The following LRCOL1 variants were observed in gnomAD, a reference collection of about 807,000 sequenced individuals.
LRCOL1 encodes the protein leucine rich colipase like 1.
Under a neutral mutation model 21.6 loss-of-function variants are expected in LRCOL1, and 21 were observed. The observed-to-expected ratio is 0.97, with a 90% CI of 0.69 to 1.40. The LOEUF (loss-of-function observed/expected upper bound fraction) is 1.40, where lower values mean the gene tolerates loss of function less well. Among genes scored for constraint, LRCOL1 ranks in the 40% most tolerant of loss-of-function variants. The pLI, the probability that LRCOL1 is intolerant of heterozygous loss-of-function variation, is 0.00. For missense variants in LRCOL1, 198 were observed against 202.3 expected, an observed-to-expected ratio of 0.98 and a Z score of 0.13; for synonymous variants, 98 against 90.1, an observed-to-expected ratio of 1.09 and a Z score of -0.49.
In LRCOL1 at chr12:132,604,716, G is replaced by A; in HGVS notation, c.221C>T (p.Pro74Leu). 6.5e-7 allele frequency: 1 copy of A among 1,536,170 alleles called. No homozygotes were observed. The highest frequency in any genetic ancestry group is 8.7e-7 in the Non-Finnish European group (1 of 1,146,890). Residue 74 changes from proline to leucine, a missense_variant, in exon 3 of 6, where the codon CCC becomes CTC. By Grantham distance (98) the Pro-to-Leu change is moderately conservative. Transcript: ENST00000376608. Reference protein sequence around the residue: ...TPKTIFLQCLPWRKPNGYRCS... With the variant: ...TPKTIFLQCLLWRKPNGYRCS... ...CTGCACGCACCTCACCTTCCTCCAG[G>A]GCAGGCACTGCAGGAAGATGGTCTT...
chr12:132,610,562 G>A lies in LRCOL1; in HGVS notation c.-253C>T, dbSNP rs1593655846. 1 of 152,218 alleles carries A rather than the reference G, an allele frequency of 6.6e-6. No individual in the cohort carries two copies. Among genetic ancestry groups the A allele is most frequent in the South Asian group, 2.1e-4 (1 of 4,816 alleles). The allele number at this position is 152,218 out of a possible 1,614,324, so 9.4% of individuals were successfully genotyped here. A position where few individuals can be genotyped will look rare whatever the true frequency, so the allele number is the denominator to read the frequency against. On this transcript the variant is annotated 5_prime_UTR_variant, in exon 1 of 6. Coordinates refer to ENST00000376608, the MANE Select transcript of LRCOL1 (RefSeq NM_001195520.2). Reference sequence around the variant, plus strand: ...GGCTCAGTGTAGGCGTCTGGACAGGGGCCAGTCCCACAAGGCTACTGACTC... The same window carrying A: ...GGCTCAGTGTAGGCGTCTGGACAGGAGCCAGTCCCACAAGGCTACTGACTC...
intron 1 of LRCOL1, among the ~76,000 whole-genome samples, chr12:132,609,967 A>G (rs929414425): frequency 3.3e-5 from 5 of 152,248 alleles, no homozygotes; most frequent in African/African-American, 1.2e-4. Flanking sequence ...AAAAAGCTCG[A>G]TGCTAAATCT....
At chr12:132,609,845 G>T (rs558584640) in intron 1 of LRCOL1, among the ~76,000 whole-genome samples, 31 of 152,122 alleles carry the variant, frequency 2.0e-4, no homozygotes, top group Non-Finnish European at 4.3e-4. Flanking sequence ...TATATATGGG[G>T]GTCTCTATTC....
At chr12:132,609,572 C>T (rs746064778) in intron 1 of LRCOL1, among the ~76,000 whole-genome samples, 13 of 152,204 alleles carry the variant, frequency 8.5e-5, no homozygotes, top group Non-Finnish European at 1.8e-4. Flanking sequence ...TGGTGCATCC[C>T]GGTAGTCCCA....
chr12:132,603,683 G>A (rs1163515569), intron 5 of LRCOL1: 17 of 985,308 alleles, frequency 1.7e-5, no homozygotes, highest in Non-Finnish European at 2.0e-5. Context: ...ACCTCTGGGT[G>A]CCACGACCCT....
chr12:132,603,469 G>C (rs773571356), intron 5 of LRCOL1, 65 bp from the exon 6 acceptor site: 1 of 1,535,730 alleles, frequency 6.5e-7, no homozygotes, highest in South Asian at 1.2e-5. Context: ...CGCGGAAGGA[G>C]GACGGGAACC....
intron 5 of LRCOL1, 69 bp from the exon 6 acceptor site, chr12:132,603,473 G>A (rs1005587274): frequency 1.0e-5 from 16 of 1,535,600 alleles, no homozygotes; most frequent in African/African-American, 2.7e-5. Context: ...GAAGGAGGAC[G>A]GGAACCCGGG....
intron 5 of LRCOL1, 42 bp downstream of exon 5, chr12:132,604,212 C>T: frequency 1.3e-6 from 2 of 1,501,214 alleles, no homozygotes; most frequent in East Asian, 2.5e-5. Context: ...CCTGTGGCGG[C>T]CAAGGGAGGG....
rs771341213 is a variant in LRCOL1, at chr12:132,604,561, G to C, written c.255C>G (p.His85Gln). 6.5e-7 allele frequency: 1 copy of C among 1,535,964 alleles called. No homozygotes were observed. Residue 85 changes from histidine (H) to glutamine (Q), a missense_variant, in exon 4 of 6, where the codon CAC becomes CAG. His to Gln is a conservative substitution (Grantham distance 24, BLOSUM62 0). Transcript: ENST00000376608. ...AGCAGCTGCTCTGGCACTCTGAGTC[G>C]TGCGAGCATCTGTACCCATTGGGCT... ...WRKPNGYRCS[H>Q]DSECQSSCCV... is the part of the protein sequence containing the mutation.
chr12:132,603,966 G>C, intron 5 of LRCOL1: 1 of 1,277,414 alleles, frequency 7.8e-7, no homozygotes, highest in East Asian at 3.4e-5. Context: ...TCCCACGGGG[G>C]ATGGTCCTGG....
Position 132,610,523 on chromosome 12 carries a change from C to A in LRCOL1, c.-214G>T, listed in dbSNP as rs2041358409. 6.6e-6 allele frequency: 1 copy of A among 152,300 alleles called. No individual in the cohort carries two copies. The highest frequency in any genetic ancestry group is 1.5e-5 in the Non-Finnish European group (1 of 68,114). 9.4% of individuals were successfully genotyped at this position (152,300 alleles called of 1,614,324 possible). A position where few individuals can be genotyped will look rare whatever the true frequency, so the allele number is the denominator to read the frequency against. On this transcript the variant is annotated 5_prime_UTR_variant, in exon 1 of 6. Transcript: ENST00000376608. ...TCGGTCCCAGGAGAAAGACGCTCAT[C>A]TCCCCACATGAGAGGCTCAGTGTAG...
chr12:132,604,181 G>C, intron 5 of LRCOL1, 73 bp downstream of exon 5: 1 of 1,474,598 alleles, frequency 6.8e-7, no homozygotes, highest in African/African-American at 1.4e-5. Context: ...CGGTCCAGTT[G>C]CTGTGTTTCT....
chr12:132,610,257 A>T (rs981445761), intron 1 of LRCOL1, 66 bp downstream of exon 1: 1 of 152,236 alleles, frequency 6.6e-6, no homozygotes, highest in Non-Finnish European at 1.5e-5. Context: ...GACTCGTGAG[A>T]TTGGGCCTCC....
chr12:132,604,638 T>C (rs188028507), intron 3 of LRCOL1, 54 bp from the exon 4 acceptor site: 1 of 1,526,232 alleles, frequency 6.6e-7, no homozygotes, highest in East Asian at 2.5e-5. Flanking sequence ...CCCTGGCTCT[T>C]CAGGGGCAGG....
chr12:132,604,325 T>C lies in LRCOL1; in HGVS notation c.406A>G (p.Ile136Val), dbSNP rs866119685. Reference protein sequence around the residue: ...SHQECHSQCCIQLREYSPFRC... With the variant: ...SHQECHSQCCVQLREYSPFRC... ...AAGGGGCTGTACTCCCTCAGCTGGA[T>C]GCAGCACTGGCTGTGACACTCCTGA... The change falls in exon 5 of 6, where the codon ATC becomes GTC. Residue 136 changes from isoleucine (I) to valine (V), a missense_variant. Transcript: ENST00000376608. The C allele has an allele frequency of 1.1e-5, 17 of 1,535,844 alleles. No individual in the cohort carries two copies. The highest frequency in any genetic ancestry group is 1.3e-5 in the Non-Finnish European group (15 of 1,146,818).
At chr12:132,610,132 G>A (rs1202616689) in intron 1 of LRCOL1, among the ~76,000 whole-genome samples, 191 bp downstream of exon 1, 1 of 152,190 alleles carries the variant, frequency 6.6e-6, no homozygotes, top group East Asian at 1.9e-4. Flanking sequence ...GGCAGGTGGG[G>A]TCATCCCCAC....
At position 132,603,381 on chromosome 12, in the gene LRCOL1, G is replaced by A. The variant is rs745828125; in HGVS notation, c.*21C>T. On this transcript the variant is annotated 3_prime_UTR_variant, in exon 6 of 6. Coordinates refer to ENST00000376608, the MANE Select transcript of LRCOL1 (RefSeq NM_001195520.2). ...ATCCCAGGGCCCAGGCCGGTCCCTCGCGCCCAGGTTCGAGCTCACATCACT... is the reference window on the plus strand; with the variant it reads ...ATCCCAGGGCCCAGGCCGGTCCCTCACGCCCAGGTTCGAGCTCACATCACT... 3.7e-5 allele frequency: 57 copies of A among 1,536,076 alleles called. No individual in the cohort carries two copies. The highest frequency in any genetic ancestry group is 1.7e-4 in the Middle Eastern group (1 of 6,012).
rs1435178879 is a variant in LRCOL1, at chr12:132,604,348, T to C, written c.383A>G (p.Gln128Arg). ...GATGCAGCACTGGCTGTGACACTCC[T>C]GATGGCTGCTGCAGAAGTCGCCGTT... ...KPNGDFCSSH[Q>R]ECHSQCCIQL... Residue 128 changes from glutamine (Q) to arginine (R), a missense_variant, in exon 5 of 6, where the codon CAG becomes CGG. Physicochemically the swap from Gln to Arg is conservative, Grantham distance 43 (BLOSUM62 1). Transcript: ENST00000376608. The C allele has an allele frequency of 6.5e-7, 1 of 1,535,836 alleles. No homozygotes were observed. The highest frequency in any genetic ancestry group is 1.2e-5 in the South Asian group (1 of 84,064).
chr12:132,603,907 G>C, intron 5 of LRCOL1: 1 of 1,204,798 alleles, frequency 8.3e-7, no homozygotes, highest in Non-Finnish European at 1.0e-6. Context: ...TCCTCCTCCA[G>C]GGCTGGTGAG....
Sources: allele counts gnomAD v4.1 joint callset (sites outside exome capture counted in the v4.1 genomes callset), GRCh38; gene constraint gnomAD v4.1.1; transcripts MANE v1.5; gene names NCBI Gene and HGNC (gene_info 2026-07-23, HGNC 2026-07-21).